Variants in SLC26A7 observed in about 807,000 individuals in gnomAD.
SLC26A7 encodes solute carrier family 26 member 7.
In SLC26A7, 59 loss-of-function variants were observed where a neutral mutation model predicts 82.5. The observed-to-expected ratio is 0.72, with a 90% CI of 0.58 to 0.89. The LOEUF (loss-of-function observed/expected upper bound fraction) is 0.89. Among genes scored for constraint, SLC26A7 ranks in the 40% least tolerant of loss-of-function variants. SLC26A7 has a pLI of 0.00. For synonymous variants in SLC26A7, 271 were observed against 274.3 expected (o/e 0.99, Z 0.12); for missense variants, 820 against 793.0 (o/e 1.03, Z -0.41).
Position 91,395,310 on chromosome 8 carries a change from T to C in SLC26A7, c.*213T>C. On this transcript the variant is annotated 3_prime_UTR_variant, in exon 19 of 19. Coordinates refer to ENST00000276609, the MANE Select transcript of SLC26A7 (RefSeq NM_052832.4). ...TAAGAAGATTCGCTTAGTTATTTTA[T>C]GTAAAAATCAGTATGTGTTTAGTTT... is the stretch of plus-strand genomic sequence containing the variant. 2.4e-6 allele frequency: 3 copies of C among 1,265,302 alleles called. No homozygotes were observed. The highest frequency in any genetic ancestry group is 3.1e-6 in the Non-Finnish European group (3 of 978,148). The allele number at this position is 1,265,302 out of a possible 1,614,324, so 78.4% of individuals were successfully genotyped here.
At chr8:91,320,149 G>A (rs576106856) in intron 5 of SLC26A7, among the ~76,000 whole-genome samples, 6 of 152,042 alleles carry the variant, frequency 3.9e-5, no homozygotes, top group South Asian at 2.1e-4. Flanking sequence ...TGCAACCTCC[G>A]CCTCCTGGGT....
chr8:91,334,406 A>C lies in SLC26A7; in HGVS notation c.754A>C (p.Lys252Gln), dbSNP rs1813182628. Residue 252 changes from lysine to glutamine, a missense_variant, in exon 6 of 19, where the codon AAA (lysine) becomes CAA (glutamine). Transcript: ENST00000276609. ...VLVKELNEQF[K>Q]RKIKVVLPVD... ...TGTTAAAGAGCTGAATGAACAGTTTAAAAGGAAAATTAAAGTTGTTCTTCC... is the reference window on the plus strand; with the variant it reads ...TGTTAAAGAGCTGAATGAACAGTTTCAAAGGAAAATTAAAGTTGTTCTTCC... The C allele has an allele frequency of 4.3e-6, 7 of 1,613,172 alleles. No individual in the cohort carries two copies. Among genetic ancestry groups the C allele is most frequent in the Non-Finnish European group, 5.9e-6 (7 of 1,179,504 alleles).
intron 6 of SLC26A7, 30 bp from the exon 7 acceptor site, chr8:91,338,120 T>A (rs765082592): frequency 1.3e-6 from 2 of 1,557,012 alleles, no homozygotes; most frequent in Non-Finnish European, 1.7e-6. Context: ...AATGTATATA[T>A]TTTTTCTTTT....
chr8:91,286,627 ATAG>A (rs1331407603), intron 2 of SLC26A7, among the ~76,000 whole-genome samples: 2 of 152,196 alleles, frequency 1.3e-5, no homozygotes, highest in African/African-American at 4.8e-5. Context: ...TTTCCCCGAA[ATAG>A]TAGCATTAGA....
At chr8:91,218,898 G>C (rs906176178) in exon 2 of SLC26A7, 73 of 1,545,460 alleles carry the variant, frequency 4.7e-5, no homozygotes, top group Non-Finnish European at 6.3e-5. Context: ...AGGACTGGAA[G>C]ATAAGCAAGA....
Position 91,305,431 on chromosome 8 carries a change from T to C in SLC26A7, c.477+9728T>C, listed in dbSNP as rs111985470. Among the ~76,000 whole-genome samples, 225 of 152,284 alleles carry C rather than the reference T, an allele frequency of 1.5e-3. 2 individuals are homozygous for C. Among genetic ancestry groups the C allele is most frequent in the African/African-American group, 5.3e-3 (222 of 41,578 alleles). On this transcript the variant is annotated intron_variant, in intron 4 of 18. Transcript: ENST00000276609. ...ACCTTTTCTTATGAATACTCCCACA[T>C]CTGATGAAAAACAAAAACACAACTA... is the stretch of plus-strand genomic sequence containing the variant.
chr8:91,324,851 T>C (rs1475873916), intron 5 of SLC26A7, among the ~76,000 whole-genome samples: 2 of 152,138 alleles, frequency 1.3e-5, no homozygotes, highest in South Asian at 2.1e-4. Flanking sequence ...GAATGGAGGC[T>C]AGAAAGATGA....
intron 4 of SLC26A7, among the ~76,000 whole-genome samples, chr8:91,317,313 A>G (rs1812665088): frequency 6.6e-6 from 1 of 152,176 alleles, no homozygotes; most frequent in Non-Finnish European, 1.5e-5. Flanking sequence ...GTTGCTATGA[A>G]AAGTAAGGAA....
chr8:91,244,154 C>T (rs1810511437), intron 2 of SLC26A7, among the ~76,000 whole-genome samples: 1 of 152,126 alleles, frequency 6.6e-6, no homozygotes, highest in Non-Finnish European at 1.5e-5. Flanking sequence ...GGGTAAATCT[C>T]TTTTTAAGCA....
chr8:91,386,775 G>C (rs984120291), intron 15 of SLC26A7, among the ~76,000 whole-genome samples: 1 of 152,078 alleles, frequency 6.6e-6, no homozygotes, highest in Admixed American at 6.6e-5. Context: ...CTACCAACAT[G>C]CTGTCATTAA....
At chr8:91,259,446 A>G (rs966547211) in intron 2 of SLC26A7, among the ~76,000 whole-genome samples, 3 of 152,122 alleles carry the variant, frequency 2.0e-5, no homozygotes, top group Non-Finnish European at 4.4e-5. Context: ...TAGAATAACA[A>G]GGTATTTAAT....
At chr8:91,300,271 A>G (rs926485375) in intron 4 of SLC26A7, among the ~76,000 whole-genome samples, 3 of 152,026 alleles carry the variant, frequency 2.0e-5, no homozygotes, top group African/African-American at 7.3e-5. Context: ...CTTTACCATT[A>G]TGTCCTCTGG....
chr8:91,381,301 T>A lies in SLC26A7; in HGVS notation c.1676-8037T>A, dbSNP rs1327434466. Reference sequence around the variant, plus strand: ...ATAAAATACATAGTATAATATCAATTGAATTACAACATATAATATGTTGTA... The same window carrying A: ...ATAAAATACATAGTATAATATCAATAGAATTACAACATATAATATGTTGTA... On this transcript the variant is annotated intron_variant, in intron 15 of 18. Transcript: ENST00000276609. 2.0e-5 allele frequency among the ~76,000 whole-genome samples: 3 copies of A among 152,084 alleles called. No homozygotes were observed. In the East Asian group the frequency reaches 5.8e-4, roughly 29 times the overall value.
intron 15 of SLC26A7, among the ~76,000 whole-genome samples, chr8:91,376,830 A>G (rs1814530339): frequency 6.6e-6 from 1 of 152,066 alleles, no homozygotes; most frequent in Non-Finnish European, 1.5e-5. Flanking sequence ...CAGTGGGGCG[A>G]GCACCAGATT....
At chr8:91,211,911 T>C (rs1312231984) in intron 1 of SLC26A7, among the ~76,000 whole-genome samples, 1 of 152,116 alleles carries the variant, frequency 6.6e-6, no homozygotes, top group Non-Finnish European at 1.5e-5. Flanking sequence ...TAATTGCTTC[T>C]ATTCAGGTGA....
chr8:91,360,910 A>T (rs1041069218), intron 11 of SLC26A7, among the ~76,000 whole-genome samples: 1 of 152,178 alleles, frequency 6.6e-6, no homozygotes, highest in Admixed American at 6.5e-5. Context: ...TAAGTACAGC[A>T]TAATACACCA....
chr8:91,344,623 GA>G (rs1813511433), intron 9 of SLC26A7, among the ~76,000 whole-genome samples: 1 of 152,176 alleles, frequency 6.6e-6, no homozygotes, highest in East Asian at 1.9e-4. Flanking sequence ...ATGTATCATA[GA>G]GTACATGAAA....
intron 2 of SLC26A7, among the ~76,000 whole-genome samples, chr8:91,287,140 T>C (rs1374853606): frequency 6.6e-6 from 1 of 152,236 alleles, no homozygotes; most frequent in Admixed American, 6.5e-5. Context: ...ATTTCTGGTC[T>C]TGGAGATTGT....
At chr8:91,302,271 TGACTGA>T (rs1400239152) in intron 4 of SLC26A7, among the ~76,000 whole-genome samples, 1 of 152,068 alleles carries the variant, frequency 6.6e-6, no homozygotes, top group Non-Finnish European at 1.5e-5. Context: ...TTTTTTGCAC[TGACTGA>T]GAAAGGTGTG....
Sources: gnomAD v4.1 joint callset for allele counts (sites outside exome capture counted in the v4.1 genomes callset) on GRCh38, gnomAD v4.1.1 for gene constraint, MANE v1.5 for transcripts, NCBI Gene and HGNC (gene_info 2026-07-23, HGNC 2026-07-21) for gene names.